The following GPR149 variants were observed in gnomAD, a reference collection of about 807,000 sequenced individuals.
The protein encoded by GPR149 is probable G protein-coupled receptor 149.
In GPR149, 50 loss-of-function variants were observed where a neutral mutation model predicts 50.2. The ratio of observed to expected loss-of-function variants is 1.00; its 90% CI spans 0.79 to 1.26. The LOEUF (loss-of-function observed/expected upper bound fraction) is 1.26. Among genes scored for constraint, GPR149 ranks in the 50% most tolerant of loss-of-function variants. The probability of loss-of-function intolerance (pLI) is 0.00; values close to 1 mark genes in which losing one functional copy is unlikely to be tolerated. For synonymous variants in GPR149, 405 were observed against 358.2 expected (o/e 1.13, Z -1.48); for missense variants, 983 against 895.4 (o/e 1.10, Z -1.25).
intron 3 of GPR149, among the ~76,000 whole-genome samples, chr3:154,412,433 G>A (rs544336279): frequency 1.3e-5 from 2 of 152,132 alleles, no homozygotes; most frequent in South Asian, 4.1e-4. Flanking sequence ...AAACCCTAAC[G>A]ACTCATCTAA....
chr3:154,428,916 G>T lies in GPR149; in HGVS notation c.700C>A (p.Arg234Ser), dbSNP rs770660963. ...RLHSNYQEIS[R>S]GASIPGTPPT... ...GGGGTCCCAGGAATTGAAGCTCCAC[G>T]GGAAATTTCCTGGTAGTTGGAGTGG... Residue 234 changes from arginine (R) to serine (S), a missense_variant, in exon 1 of 4, where the codon CGT (arginine) becomes AGT (serine). By Grantham distance (110) the Arg-to-Ser change is moderately radical (BLOSUM62 -1). Coordinates refer to ENST00000389740, the MANE Select transcript of GPR149 (RefSeq NM_001038705.3). 16 of 1,614,074 alleles carry T rather than the reference G, an allele frequency of 9.9e-6. No individual in the cohort carries two copies. The highest frequency in any genetic ancestry group is 1.4e-5 in the Non-Finnish European group (16 of 1,179,988).
chr3:154,419,300 A>C (rs1361126268), intron 3 of GPR149, among the ~76,000 whole-genome samples: 4 of 152,086 alleles, frequency 2.6e-5, no homozygotes, highest in African/African-American at 9.7e-5. Flanking sequence ...AGGACAATGT[A>C]CTTATGTGCA....
chr3:154,427,492 A>G (rs377739628), intron 2 of GPR149, 24 bp downstream of exon 2: 3 of 1,565,846 alleles, frequency 1.9e-6, no homozygotes, highest in Non-Finnish European at 2.6e-6. Context: ...ATTGCTGCCA[A>G]TCACTGCAGT....
chr3:154,347,923 T>C (rs1179269691), intron 3 of GPR149, among the ~76,000 whole-genome samples: 1 of 152,216 alleles, frequency 6.6e-6, no homozygotes, highest in Non-Finnish European at 1.5e-5. Context: ...GGCAAAACTA[T>C]TGAGGCTGTG....
Position 154,338,261 on chromosome 3 carries a change from T to G in GPR149, c.1634A>C (p.Tyr545Ser). 6.4e-7 allele frequency: 1 copy of G among 1,559,438 alleles called. No individual in the cohort carries two copies. Among genetic ancestry groups the G allele is most frequent in the South Asian group, 1.2e-5 (1 of 82,984 alleles). Residue 545 changes from tyrosine to serine, a missense_variant, in exon 4 of 4, where the codon TAT becomes TCT. By Grantham distance (144) the Tyr-to-Ser change is moderately radical. Coordinates refer to ENST00000389740, the MANE Select transcript of GPR149 (RefSeq NM_001038705.3). The stretch of plus-strand genomic sequence containing the variant: ...TGCACACAAGGGAATGGCAAGGGCA[T>G]AACCGGAACGCTGGGGACAAAAACA... Reference protein sequence around the residue: ...SERTPRQRSGYALAIPLCAFQ... With the variant: ...SERTPRQRSGSALAIPLCAFQ...
At chr3:154,378,087 CCTTT>C (rs1409035953) in intron 3 of GPR149, among the ~76,000 whole-genome samples, 4 of 126,088 alleles carry the variant, frequency 3.2e-5, no homozygotes, top group African/African-American at 9.1e-5. Flanking sequence ...ATCCCCCCCC[CCTTT>C]TTTTTTTTTT....
intron 3 of GPR149, among the ~76,000 whole-genome samples, chr3:154,384,949 C>A (rs554955188): frequency 2.0e-5 from 3 of 152,324 alleles, no homozygotes; most frequent in South Asian, 2.1e-4. Flanking sequence ...TCATTCCTGG[C>A]AAATTCTCCT....
intron 3 of GPR149, among the ~76,000 whole-genome samples, chr3:154,360,451 TAAG>T (rs201941224): frequency 0.024 from 3,646 of 152,284 alleles, 70 homozygotes; most frequent in Middle Eastern, 0.065. Context: ...CAATTTCACT[TAAG>T]AATGTCCTTG....
chr3:154,348,056 G>A (rs184549097), intron 3 of GPR149, among the ~76,000 whole-genome samples: 11 of 152,272 alleles, frequency 7.2e-5, no homozygotes, highest in Admixed American at 2.0e-4. Flanking sequence ...GAGTTAATGC[G>A]TGTGAAATGA....
At position 154,335,883 on chromosome 3, in the gene GPR149, T is replaced by G. The variant is rs1271708941; in HGVS notation, c.*1816A>C. The G allele has an allele frequency of 1.3e-5, 2 of 152,216 alleles. No homozygotes were observed. Among genetic ancestry groups the G allele is most frequent in the East Asian group, 3.9e-4 (2 of 5,186 alleles). 9.4% of individuals were successfully genotyped at this position (152,216 alleles called of 1,614,324 possible). A position where few individuals can be genotyped will look rare whatever the true frequency, so the allele number is the denominator to read the frequency against. On this transcript the variant is annotated 3_prime_UTR_variant, in exon 4 of 4. Transcript: ENST00000389740. The stretch of plus-strand genomic sequence containing the variant: ...TTAAAGCAGCAATATCACCTTTCTC[T>G]TTCAGAAAATTATACATCTAAGTTT...
chr3:154,411,203 G>T (rs949520999), intron 3 of GPR149, among the ~76,000 whole-genome samples: 1 of 152,084 alleles, frequency 6.6e-6, no homozygotes, highest in Non-Finnish European at 1.5e-5. Context: ...GGTGCTGAGA[G>T]AAAAGTTCAT....
chr3:154,421,408 A>G lies in GPR149; in HGVS notation c.1254T>C (p.Tyr418=), dbSNP rs1340535425. ...GIYKIAHEDY[Y]DDDENSIFYH... is the part of the protein sequence containing the mutation. The stretch of plus-strand genomic sequence containing the variant: ...AGAATATGGAATTTTCATCATCATC[A>G]TAGTAATCTTCATGTGCTATTTTAT... The change falls in exon 3 of 4, where the codon TAT becomes TAC. Residue 418 remains tyrosine (Y), a synonymous_variant. Transcript: ENST00000389740. The G allele has an allele frequency of 6.2e-7, 1 of 1,610,322 alleles. No homozygotes were observed. The highest frequency in any genetic ancestry group is 1.7e-5 in the Admixed American group (1 of 59,668).
intron 3 of GPR149, among the ~76,000 whole-genome samples, chr3:154,410,658 A>G (rs1401459548): frequency 6.6e-6 from 1 of 152,154 alleles, no homozygotes; most frequent in East Asian, 1.9e-4. Context: ...CTAAATATAC[A>G]TGCACCTAAC....
chr3:154,409,600 G>A (rs920770805), intron 3 of GPR149, among the ~76,000 whole-genome samples: 47 of 151,974 alleles, frequency 3.1e-4, no homozygotes, highest in African/African-American at 1.1e-3. Context: ...GAAGGTCTCA[G>A]CAATAGAATT....
intron 3 of GPR149, among the ~76,000 whole-genome samples, chr3:154,342,912 A>G (rs1713830769): frequency 6.6e-6 from 1 of 152,204 alleles, no homozygotes; most frequent in Admixed American, 6.5e-5. Flanking sequence ...CGGTTCCTCC[A>G]AATACCAGAA....
intron 3 of GPR149, among the ~76,000 whole-genome samples, chr3:154,343,523 G>A (rs944296443): frequency 2.0e-5 from 3 of 152,142 alleles, no homozygotes; most frequent in Non-Finnish European, 4.4e-5. Flanking sequence ...TCATCATCTG[G>A]AGTATGTGTT....
chr3:154,427,120 T>G (rs1220488714), intron 2 of GPR149, among the ~76,000 whole-genome samples: 1 of 152,178 alleles, frequency 6.6e-6, no homozygotes, highest in East Asian at 1.9e-4. Flanking sequence ...CTTTTTCAAA[T>G]GCAAGCTTCT....
At chr3:154,356,014 A>G (rs868115359) in intron 3 of GPR149, among the ~76,000 whole-genome samples, 5 of 152,218 alleles carry the variant, frequency 3.3e-5, no homozygotes, top group Non-Finnish European at 7.3e-5. Flanking sequence ...GCAAATTTAA[A>G]GAGGCAAATA....
At chr3:154,353,197 C>T in intron 3 of GPR149, 1 of 1,533,094 alleles carries the variant, frequency 6.5e-7, no homozygotes, top group Non-Finnish European at 9.0e-7. Context: ...TGAAGGACAT[C>T]TCCAATAACT....
Sources: gnomAD v4.1 joint callset for allele counts (sites outside exome capture counted in the v4.1 genomes callset) on GRCh38, gnomAD v4.1.1 for gene constraint, MANE v1.5 for transcripts, NCBI Gene and HGNC (gene_info 2026-07-23, HGNC 2026-07-21) for gene names.